FHIT: variants seen among roughly 807,000 people sequenced by gnomAD.
FHIT encodes the protein bis(5'-adenosyl)-triphosphatase.
Under a neutral mutation model 17.9 loss-of-function variants are expected in FHIT, and 19 were observed. The ratio of observed to expected loss-of-function variants is 1.06; its 90% CI spans 0.74 to 1.56. The LOEUF (loss-of-function observed/expected upper bound fraction) is 1.56. Ranked by LOEUF, FHIT falls within the 40% of genes most tolerant of loss-of-function variation. FHIT has a pLI of 0.00. For synonymous variants in FHIT, 81 were observed against 69.7 expected, an observed-to-expected ratio of 1.16 and a Z score of -0.81; for missense variants, 248 against 189.2, an observed-to-expected ratio of 1.31 and a Z score of -1.82.
intron 7 of FHIT, among the ~76,000 whole-genome samples, chr3:59,988,728 T>C (rs1709096152): frequency 6.6e-6 from 1 of 152,032 alleles, no homozygotes; most frequent in African/African-American, 2.4e-5. Context: ...ACCCGAAGGA[T>C]CAAGGACGAC....
chr3:61,239,001 C>G (rs1350147755), intron 1 of FHIT, among the ~76,000 whole-genome samples: 2 of 152,128 alleles, frequency 1.3e-5, no homozygotes, highest in Non-Finnish European at 2.9e-5. Context: ...CAAATGGAAC[C>G]TAGGGTCCAG....
chr3:60,306,182 G>C (rs1346368798), intron 5 of FHIT, among the ~76,000 whole-genome samples: 3 of 152,152 alleles, frequency 2.0e-5, no homozygotes, highest in African/African-American at 7.2e-5. Context: ...ATTAACTCCA[G>C]ATTCTTTTGA....
At chr3:60,767,634 G>A (rs535017977) in intron 4 of FHIT, among the ~76,000 whole-genome samples, 15 of 152,288 alleles carry the variant, frequency 9.8e-5, no homozygotes, top group African/African-American at 2.2e-4. Context: ...AACAAAATTC[G>A]GTGTCTTCAC....
intron 8 of FHIT, among the ~76,000 whole-genome samples, chr3:59,811,697 G>C (rs1437652979): frequency 6.6e-6 from 1 of 152,188 alleles, no homozygotes; most frequent in African/African-American, 2.4e-5. Context: ...GATACATAAA[G>C]AAAAGGAAAC....
chr3:60,883,280 A>G (rs1325170020), intron 3 of FHIT, among the ~76,000 whole-genome samples: 1 of 152,150 alleles, frequency 6.6e-6, no homozygotes, highest in Non-Finnish European at 1.5e-5. Context: ...TATTGTTAAA[A>G]TGACAATGCT....
At chr3:61,217,753 A>G (rs1560087572) in intron 1 of FHIT, among the ~76,000 whole-genome samples, 1 of 152,238 alleles carries the variant, frequency 6.6e-6, no homozygotes, top group Non-Finnish European at 1.5e-5. Flanking sequence ...TATGAAACAT[A>G]AGCAAAAATT....
At chr3:59,890,867 T>C (rs970769815) in intron 8 of FHIT, among the ~76,000 whole-genome samples, 1 of 152,204 alleles carries the variant, frequency 6.6e-6, no homozygotes, top group African/African-American at 2.4e-5. Context: ...TTACTTGCCA[T>C]AGAATTTCCT....
chr3:60,526,030 G>C (rs572696493), intron 5 of FHIT, among the ~76,000 whole-genome samples: 1 of 152,228 alleles, frequency 6.6e-6, no homozygotes, highest in South Asian at 2.1e-4. Flanking sequence ...TTGAGTCCTG[G>C]AGCTCAAGGC....
intron 3 of FHIT, among the ~76,000 whole-genome samples, chr3:60,923,597 T>C (rs1002731399): frequency 6.6e-6 from 1 of 152,076 alleles, no homozygotes. Context: ...GATGGCCGAA[T>C]AGGAACAGCT....
chr3:59,960,277 G>A (rs189847955), intron 7 of FHIT, among the ~76,000 whole-genome samples: 5 of 152,210 alleles, frequency 3.3e-5, no homozygotes, highest in African/African-American at 1.2e-4. Context: ...TTGATTAGGT[G>A]ATGGTGGTAG....
intron 3 of FHIT, among the ~76,000 whole-genome samples, chr3:60,988,495 G>T (rs1235390763): frequency 6.6e-6 from 1 of 152,128 alleles, no homozygotes; most frequent in African/African-American, 2.4e-5. Context: ...AGAGCAATGT[G>T]AACATAGAAC....
chr3:59,858,641 C>T (rs984493954), intron 8 of FHIT, among the ~76,000 whole-genome samples: 18 of 151,716 alleles, frequency 1.2e-4, no homozygotes, highest in Admixed American at 2.6e-4. Flanking sequence ...TGCAGGGCAA[C>T]GTGGGGAGAG....
intron 8 of FHIT, among the ~76,000 whole-genome samples, chr3:59,833,208 T>A (rs892346009): frequency 6.6e-6 from 1 of 152,186 alleles, no homozygotes; most frequent in African/African-American, 2.4e-5. Context: ...AATGGATATG[T>A]TGAAGTCCTA....
chr3:60,094,277 C>A (rs1460133385), intron 5 of FHIT, among the ~76,000 whole-genome samples: 1 of 151,990 alleles, frequency 6.6e-6, no homozygotes, highest in African/African-American at 2.4e-5. Flanking sequence ...AAATTAAAAC[C>A]CCATTAAGTG....
chr3:60,066,379 G>A (rs1487516366), intron 5 of FHIT, among the ~76,000 whole-genome samples: 1 of 152,112 alleles, frequency 6.6e-6, no homozygotes, highest in Non-Finnish European at 1.5e-5. Context: ...TATTGAAAGT[G>A]AGTTGATTTT....
chr3:60,865,534 T>C (rs1022616001), intron 3 of FHIT, among the ~76,000 whole-genome samples: 1 of 152,040 alleles, frequency 6.6e-6, no homozygotes, highest in Non-Finnish European at 1.5e-5. Context: ...CTTATAAGAG[T>C]CTGAATTTTC....
chr3:60,914,199 C>G (rs1411404354), intron 3 of FHIT, among the ~76,000 whole-genome samples: 1 of 152,064 alleles, frequency 6.6e-6, no homozygotes, highest in African/African-American at 2.4e-5. Context: ...ATGCGAGGTC[C>G]CATTGGGAGC....
chr3:61,235,097 A>G (rs2040196498), intron 1 of FHIT, among the ~76,000 whole-genome samples: 1 of 152,250 alleles, frequency 6.6e-6, no homozygotes, highest in African/African-American at 2.4e-5. Context: ...TGTCATTGAT[A>G]AAAGCAATTC....
chr3:60,290,076 G>A (rs972145310), intron 5 of FHIT, among the ~76,000 whole-genome samples: 1 of 152,148 alleles, frequency 6.6e-6, no homozygotes, highest in Non-Finnish European at 1.5e-5. Flanking sequence ...CTGATGCTAT[G>A]CGTGGCTTTC....
Sources: gnomAD v4.1 joint callset for allele counts (sites outside exome capture counted in the v4.1 genomes callset) on GRCh38, gnomAD v4.1.1 for gene constraint, MANE v1.5 for transcripts, NCBI Gene and HGNC (gene_info 2026-07-23, HGNC 2026-07-21) for gene names.